Variants in FTO observed in about 807,000 individuals in gnomAD.
FTO encodes the protein FTO alpha-ketoglutarate dependent dioxygenase.
Under a neutral mutation model 63.9 loss-of-function variants are expected in FTO, and 47 were observed. The observed-to-expected ratio is 0.74, with a 90% CI of 0.58 to 0.94. FTO has a LOEUF of 0.94. FTO is among the 40% of genes least tolerant of loss of function. The pLI is 0.00. For missense variants in FTO, 562 were observed against 618.1 expected (o/e 0.91, Z 0.96); for synonymous variants, 207 against 224.4 (o/e 0.92, Z 0.69).
intron 1 of FTO, among the ~76,000 whole-genome samples, chr16:53,792,830 A>T (rs1413469151): frequency 2.0e-5 from 3 of 152,182 alleles, no homozygotes; most frequent in Non-Finnish European, 4.4e-5. Flanking sequence ...GGAAATGTCA[A>T]GGGGTGTATC....
chr16:53,935,102 C>T lies in FTO; in HGVS notation c.1364+993C>T, dbSNP rs183686744. 8.5e-4 allele frequency among the ~76,000 whole-genome samples: 129 copies of T among 152,256 alleles called. 1 individual carries two copies. Among genetic ancestry groups the T allele is most frequent in the African/African-American group, 2.9e-3 (122 of 41,548 alleles). On this transcript the variant is annotated intron_variant, in intron 8 of 8. Transcript: ENST00000471389. Reference sequence around the variant, plus strand: ...TAGTTCTCGCAAATGTTAGGATTATCTTTTAGATCTGTAGTTTGTAAAAAT... The same window carrying T: ...TAGTTCTCGCAAATGTTAGGATTATTTTTTAGATCTGTAGTTTGTAAAAAT...
rs1302917355 is a variant in FTO, at chr16:53,826,478, T to A, written c.738T>A (p.Ser246Arg). 6.2e-7 allele frequency: 1 copy of A among 1,614,024 alleles called. No homozygotes were observed. Among genetic ancestry groups the A allele is most frequent in the South Asian group, 1.1e-5 (1 of 91,066 alleles). ...LVDRSAVAVY[S>R]YSCEGPEEES... is the part of the protein sequence containing the mutation. Reference sequence around the variant, plus strand: ...ACAGGTCAGCGGTGGCAGTGTACAGTTATAGCTGTGAAGGTACAGTCTGCT... The same window carrying A: ...ACAGGTCAGCGGTGGCAGTGTACAGATATAGCTGTGAAGGTACAGTCTGCT... The change falls in exon 3 of 9, where the codon AGT becomes AGA. Residue 246 changes from serine (S) to arginine (R), a missense_variant. Coordinates refer to ENST00000471389, the MANE Select transcript of FTO (RefSeq NM_001080432.3).
intron 8 of FTO, among the ~76,000 whole-genome samples, chr16:53,963,342 C>T (rs1307393559): frequency 6.6e-6 from 1 of 152,124 alleles, no homozygotes; most frequent in Non-Finnish European, 1.5e-5. Flanking sequence ...TTGTTGGGGC[C>T]TAGATTGACC....
chr16:53,734,708 T>C (rs2076350440), intron 1 of FTO, among the ~76,000 whole-genome samples: 1 of 152,264 alleles, frequency 6.6e-6, no homozygotes, highest in South Asian at 2.1e-4. Flanking sequence ...TCCAGTTTTC[T>C]GCTCTGCCAT....
chr16:54,088,522 C>T (rs894448607), intron 8 of FTO, among the ~76,000 whole-genome samples: 1 of 152,198 alleles, frequency 6.6e-6, no homozygotes, highest in Non-Finnish European at 1.5e-5. Context: ...ATTCAAAACA[C>T]TCTTTTAATG....
chr16:53,925,239 C>T (rs1025175625), intron 7 of FTO, among the ~76,000 whole-genome samples: 1 of 152,086 alleles, frequency 6.6e-6, no homozygotes, highest in African/African-American at 2.4e-5. Flanking sequence ...CTTTAGCCCT[C>T]ATTATCAGTC....
intron 8 of FTO, among the ~76,000 whole-genome samples, chr16:54,011,775 G>A (rs1384839418): frequency 2.6e-5 from 4 of 152,164 alleles, no homozygotes; most frequent in African/African-American, 7.2e-5. Flanking sequence ...ATAGTGACCT[G>A]TGATCCGTGA....
At chr16:53,739,029 G>A (rs766007307) in intron 1 of FTO, among the ~76,000 whole-genome samples, 13 of 152,016 alleles carry the variant, frequency 8.6e-5, no homozygotes, top group Non-Finnish European at 1.3e-4. Context: ...CTCCCCATAT[G>A]TTGCCCAAAC....
In FTO at chr16:54,114,527, G is replaced by C. The variant is rs1348825348; in HGVS notation, c.*2612G>C. ...AGCCAGCTTCACTGTCCTGGGTGGG[G>C]CCCAGGTGGAATTAGTTCTCAAAGT... On this transcript the variant is annotated 3_prime_UTR_variant, in exon 9 of 9. Transcript: ENST00000471389. 1 of 152,140 alleles carries C rather than the reference G, an allele frequency of 6.6e-6. No homozygotes were observed. Among genetic ancestry groups the C allele is most frequent in the Non-Finnish European group, 1.5e-5 (1 of 68,032 alleles). 9.4% of individuals were successfully genotyped at this position (152,140 alleles called of 1,614,324 possible). A position where few individuals can be genotyped will look rare whatever the true frequency, so the allele number is the denominator to read the frequency against.
chr16:53,873,494 A>G (rs990552126), intron 4 of FTO, among the ~76,000 whole-genome samples: 1 of 149,390 alleles, frequency 6.7e-6, no homozygotes, highest in Admixed American at 6.7e-5. Context: ...ATAAGTATAT[A>G]TAAGTATATC....
intron 8 of FTO, chr16:54,054,666 G>A (rs1038888343): frequency 6.6e-6 from 1 of 152,176 alleles, no homozygotes; most frequent in Non-Finnish European, 1.5e-5. Flanking sequence ...ATTGGTGACT[G>A]GCTGCTATGA....
chr16:54,013,855 G>A (rs970700875), intron 8 of FTO, among the ~76,000 whole-genome samples: 3 of 151,964 alleles, frequency 2.0e-5, no homozygotes, highest in South Asian at 4.3e-4. Flanking sequence ...AAATTCACGT[G>A]AGCTACTTTA....
chr16:53,761,690 T>C (rs1453193116), intron 1 of FTO, among the ~76,000 whole-genome samples: 1 of 152,168 alleles, frequency 6.6e-6, no homozygotes, highest in African/African-American at 2.4e-5. Context: ...TCCTGCTCAG[T>C]TTAGCAAAGA....
chr16:53,745,972 T>C (rs1209264008), intron 1 of FTO, among the ~76,000 whole-genome samples: 1 of 152,184 alleles, frequency 6.6e-6, no homozygotes, highest in Non-Finnish European at 1.5e-5. Context: ...TACTTATACC[T>C]TAGCAATCAT....
chr16:53,825,944 C>G lies in FTO; in HGVS notation c.204C>G (p.Ala68=). Residue 68 remains alanine, a synonymous_variant, in exon 3 of 9, where the codon GCC becomes GCG. Transcript: ENST00000471389. ...AGCTCCATAAAGAGGTTCAAGAAGC[C>G]TTTCTCACACTGCACAAGCATGGCT... The part of the protein sequence containing the change: ...SEELHKEVQE[A]FLTLHKHGCL... 1 of 1,614,126 alleles carries G rather than the reference C, an allele frequency of 6.2e-7. No homozygotes were observed. Among genetic ancestry groups the G allele is most frequent in the African/African-American group, 1.3e-5 (1 of 75,026 alleles).
intron 8 of FTO, among the ~76,000 whole-genome samples, chr16:53,957,149 G>C (rs547450253): frequency 1.1e-4 from 17 of 152,218 alleles, no homozygotes; most frequent in South Asian, 6.2e-4. Context: ...CTTATCCCCT[G>C]GCTTGCCCGG....
chr16:54,111,931 C>T lies in FTO; in HGVS notation c.*16C>T, dbSNP rs752361561. On this transcript the variant is annotated 3_prime_UTR_variant, in exon 9 of 9. Coordinates refer to ENST00000471389, the MANE Select transcript of FTO (RefSeq NM_001080432.3). Reference sequence around the variant, plus strand: ...AAAACCCTAGAAGGAGCACAAGTCTCAGGCGGAGGAGAAAAAGAGATCGGC... The same window carrying T: ...AAAACCCTAGAAGGAGCACAAGTCTTAGGCGGAGGAGAAAAAGAGATCGGC... 1.2e-6 allele frequency: 2 copies of T among 1,613,996 alleles called. No homozygotes were observed. Among genetic ancestry groups the T allele is most frequent in the South Asian group, 2.2e-5 (2 of 91,062 alleles).
At chr16:53,752,338 C>T (rs2076817960) in intron 1 of FTO, among the ~76,000 whole-genome samples, 1 of 151,732 alleles carries the variant, frequency 6.6e-6, no homozygotes, top group Non-Finnish European at 1.5e-5. Flanking sequence ...CAGGGTTGCA[C>T]TTTAAAAAAA....
At chr16:53,975,793 C>T (rs1479838419) in intron 8 of FTO, among the ~76,000 whole-genome samples, 1 of 152,214 alleles carries the variant, frequency 6.6e-6, no homozygotes, top group South Asian at 2.1e-4. Context: ...TTTTATGTGG[C>T]TCACCCAAGC....
Sources: gnomAD v4.1 joint callset for allele counts (sites outside exome capture counted in the v4.1 genomes callset) on GRCh38, gnomAD v4.1.1 for gene constraint, MANE v1.5 for transcripts, NCBI Gene and HGNC (gene_info 2026-07-23, HGNC 2026-07-21) for gene names.